NBAS: variants seen among roughly 807,000 people sequenced by gnomAD.
The protein encoded by NBAS is NBAS subunit of NRZ tethering complex.
A neutral mutation model predicts 302.5 loss-of-function variants in NBAS; 219 were observed. The ratio of observed to expected loss-of-function variants is 0.72; its 90% confidence interval spans 0.65 to 0.81. The LOEUF (loss-of-function observed/expected upper bound fraction) is 0.81, where lower values mean the gene tolerates loss of function less well. NBAS is among the 30% of genes least tolerant of loss of function. NBAS has a pLI of 0.00. For synonymous variants in NBAS, 1,118 were observed against 1,021.6 expected (o/e 1.09, Z -1.80); for missense variants, 2,932 against 2,841.6 (o/e 1.03, Z -0.72).
intron 6 of NBAS, among the ~76,000 whole-genome samples, chr2:15,541,821 C>T (rs1450660061): frequency 1.1e-4 from 10 of 93,028 alleles, no homozygotes; most frequent in Admixed American, 2.2e-4. Context: ...TTCAGCCCCC[C>T]GCCCGGCCAG....
rs562307283 is a variant in NBAS at position 15,286,947 on chromosome 2, AAGACACT to A, written c.5138+119_5138+125del. On this transcript the variant is annotated intron_variant, in intron 42 of 51. Coordinates refer to ENST00000281513, the MANE Select transcript of NBAS (RefSeq NM_015909.4). ...AAGATGTATAAGGAAAGAACTTACC[AAGACACT>A]AGTCCACTGTAGATTAAAGGAAAAC... 3.3e-4 allele frequency: 239 copies of A among 723,780 alleles called. No individual in the cohort carries two copies. The Middle Eastern group carries it at 3.9e-3, about 12-fold the overall frequency. 44.8% of individuals were successfully genotyped at this position (723,780 alleles called of 1,614,324 possible).
chr2:14,887,682 C>A, the NBAS span, among the ~76,000 whole-genome samples: 3 of 152,264 alleles, frequency 2.0e-5, no homozygotes, highest in African/African-American at 7.2e-5. Context: ...CGCCCCTCCC[C>A]ACAAGTCTAA....
intron 28 of NBAS, among the ~76,000 whole-genome samples, chr2:15,390,020 C>A (rs1373950152): frequency 6.6e-6 from 1 of 152,160 alleles, no homozygotes; most frequent in Non-Finnish European, 1.5e-5. Context: ...GAAGACATAG[C>A]AGAACTGGAA....
chr2:15,086,302 A>G, the NBAS span, among the ~76,000 whole-genome samples: 33 of 152,146 alleles, frequency 2.2e-4, no homozygotes, highest in African/African-American at 7.0e-4. Context: ...TAGAAGCTGA[A>G]CACTCGGGAT....
chr2:15,495,527 A>C (rs894486233), intron 11 of NBAS, among the ~76,000 whole-genome samples: 2 of 152,194 alleles, frequency 1.3e-5, no homozygotes, highest in African/African-American at 4.8e-5. Context: ...GACTTAAAAC[A>C]CATAGTTTTT....
the NBAS span, among the ~76,000 whole-genome samples, chr2:15,091,995 C>A: frequency 1.3e-5 from 2 of 152,146 alleles, no homozygotes; most frequent in African/African-American, 2.4e-5. Flanking sequence ...TTGGGGAAGC[C>A]AAAAGTTATA....
intron 44 of NBAS, among the ~76,000 whole-genome samples, chr2:15,258,928 C>T (rs571512918): frequency 6.6e-6 from 1 of 152,266 alleles, no homozygotes; most frequent in South Asian, 2.1e-4. Context: ...CTCAGATGGG[C>T]ATCAAGGACC....
the NBAS span, among the ~76,000 whole-genome samples, chr2:15,153,936 A>C: frequency 6.6e-6 from 1 of 152,196 alleles, no homozygotes; most frequent in African/African-American, 2.4e-5. Context: ...AGATTTTAGG[A>C]GCTTGGAAAT....
chr2:15,330,343 C>T lies in NBAS; in HGVS notation c.4347+255G>A, dbSNP rs186727959. ...TAAGCATTGATAAAATTTTTCTTTT[C>T]ATCACACTAAATTCTGATATATAAA... On this transcript the variant is annotated intron_variant, in intron 36 of 51. Transcript: ENST00000281513. Among the ~76,000 whole-genome samples, 9 of 152,278 alleles carry T rather than the reference C, an allele frequency of 5.9e-5. No homozygotes were observed. The East Asian group carries it at 9.7e-4, about 16-fold the overall frequency.
At chr2:15,397,317 A>C in intron 26 of NBAS, 1 of 222,844 alleles carries the variant, frequency 4.5e-6, no homozygotes, top group South Asian at 7.5e-5. Context: ...GCAATGCTCC[A>C]CCTAAACTCC....
At chr2:15,029,846 T>C in the NBAS span, among the ~76,000 whole-genome samples, 378 of 152,254 alleles carry the variant, frequency 2.5e-3, 2 homozygotes, top group Middle Eastern at 0.014. Context: ...CAATGTTACC[T>C]GTCAAATACA....
intron 16 of NBAS, among the ~76,000 whole-genome samples, chr2:15,471,550 A>G (rs1040523355): frequency 6.6e-6 from 1 of 152,224 alleles, no homozygotes; most frequent in African/African-American, 2.4e-5. Flanking sequence ...AACCTTTTTA[A>G]AAGTATGCCA....
intron 42 of NBAS, among the ~76,000 whole-genome samples, chr2:15,282,178 T>C (rs1181607818): frequency 6.6e-6 from 1 of 152,168 alleles, no homozygotes; most frequent in East Asian, 1.9e-4. Flanking sequence ...ATCATCTAAG[T>C]TACCTTAAAT....
In NBAS at chr2:15,424,323, C is replaced by T; in HGVS notation, c.2569G>A (p.Ala857Thr). Reference protein sequence around the residue: ...QTRAEEIEHYARQVDCALSLI... With the variant: ...QTRAEEIEHYTRQVDCALSLI... ...CTGCCATTTCCCCTCACCTGCCGAGCATAATGCTCTATTTCCTCTGCTCTG... is the reference window on the plus strand; with the variant it reads ...CTGCCATTTCCCCTCACCTGCCGAGTATAATGCTCTATTTCCTCTGCTCTG... The change falls in exon 23 of 52, where the codon GCT (alanine) becomes ACT (threonine). Residue 857 changes from alanine to threonine, a missense_variant. Coordinates refer to ENST00000281513, the MANE Select transcript of NBAS (RefSeq NM_015909.4). 6.2e-7 allele frequency: 1 copy of T among 1,614,074 alleles called. No homozygotes were observed. Among genetic ancestry groups the T allele is most frequent in the Non-Finnish European group, 8.5e-7 (1 of 1,179,962 alleles).
chr2:14,849,538 T>C, the NBAS span, among the ~76,000 whole-genome samples: 7 of 151,378 alleles, frequency 4.6e-5, no homozygotes, highest in Admixed American at 4.6e-4. Flanking sequence ...TTCCCCAACC[T>C]AGCAAGGCAG....
the NBAS span, among the ~76,000 whole-genome samples, chr2:15,070,831 G>A: frequency 1.9e-5 from 2 of 107,896 alleles, no homozygotes; most frequent in Admixed American, 2.0e-4. Context: ...TAAAAGTACA[G>A]TTTCTTTGGA....
chr2:15,233,057 G>A (rs1667448116), intron 46 of NBAS, among the ~76,000 whole-genome samples: 1 of 152,068 alleles, frequency 6.6e-6, no homozygotes, highest in Admixed American at 6.6e-5. Flanking sequence ...AAATATTTTC[G>A]ATGAGTTTTT....
intron 39 of NBAS, 142 bp from the exon 40 acceptor site, chr2:15,308,495 A>G: frequency 9.7e-7 from 1 of 1,035,588 alleles, no homozygotes; most frequent in Non-Finnish European, 1.4e-6. Flanking sequence ...CAACTTAATA[A>G]TGACTATATT....
intron 40 of NBAS, among the ~76,000 whole-genome samples, chr2:15,303,594 G>A (rs1670902731): frequency 6.6e-6 from 1 of 152,190 alleles, no homozygotes; most frequent in South Asian, 2.1e-4. Flanking sequence ...TGTGGTGTGT[G>A]AATTTGGAAA....
Sources: gnomAD v4.1 joint callset for allele counts (sites outside exome capture counted in the v4.1 genomes callset) on GRCh38, gnomAD v4.1.1 for gene constraint, MANE v1.5 for transcripts, NCBI Gene and HGNC (gene_info 2026-07-23, HGNC 2026-07-21) for gene names.